Variants in NSG2 observed in about 807,000 individuals in gnomAD.
NSG2 encodes neuronal vesicle trafficking associated 2.
A neutral mutation model predicts 16.9 loss-of-function variants in NSG2; 4 were observed. That is an observed-to-expected ratio of 0.24 (90% confidence interval 0.12 to 0.54). The LOEUF (loss-of-function observed/expected upper bound fraction) is 0.54, where lower values mean the gene tolerates loss of function less well. NSG2 is among the 20% of genes least tolerant of loss of function. NSG2 has a pLI of 0.95. For synonymous variants in NSG2, 98 were observed against 88.7 expected (o/e 1.11, Z -0.59); for missense variants, 179 against 221.1 (o/e 0.81, Z 1.21).
chr5:174,105,654 C>T (rs992479873), intron 4 of NSG2, among the ~76,000 whole-genome samples: 2 of 152,166 alleles, frequency 1.3e-5, no homozygotes, highest in East Asian at 1.9e-4. Flanking sequence ...GGGTTCAGAT[C>T]TGCCTTCCTA....
chr5:174,063,722 TACAA>T (rs1203924654), intron 2 of NSG2, among the ~76,000 whole-genome samples: 1 of 152,110 alleles, frequency 6.6e-6, no homozygotes, highest in African/African-American at 2.4e-5. Flanking sequence ...TCCTTTGAGT[TACAA>T]ACAATCCCAT....
At chr5:174,051,115 T>C (rs943010491) in intron 2 of NSG2, among the ~76,000 whole-genome samples, 3 of 152,106 alleles carry the variant, frequency 2.0e-5, no homozygotes, top group African/African-American at 7.2e-5. Context: ...TCTCTCTCCC[T>C]GGGGGGCAGT....
chr5:174,048,134 G>T (rs1759830646), intron 2 of NSG2, among the ~76,000 whole-genome samples: 1 of 152,224 alleles, frequency 6.6e-6, no homozygotes, highest in African/African-American at 2.4e-5. Context: ...AACTGGTAAA[G>T]CCTTTAAAGA....
intron 2 of NSG2, among the ~76,000 whole-genome samples, chr5:174,048,787 G>A (rs144825145): frequency 1.3e-5 from 2 of 152,256 alleles, no homozygotes; most frequent in Non-Finnish European, 2.9e-5. Flanking sequence ...TGAGTATCCA[G>A]TCCAGGTGCA....
Position 174,072,737 on chromosome 5 carries a change from AC to A in NSG2, c.213+8423del, listed in dbSNP as rs1561666121. On this transcript the variant is annotated intron_variant, in intron 3 of 4. Transcript: ENST00000303177. The surrounding 1 kb of genome is among the most constrained non-coding windows in gnomAD (Gnocchi z 4.0). ...GGTGGCTCACACCTGTAATCCTAGC[AC>A]TTTGGAAGGCCAAGGTGGGAGGATT... 6.6e-6 allele frequency among the ~76,000 whole-genome samples: 1 copy of A among 152,242 alleles called. No individual in the cohort carries two copies. Among genetic ancestry groups the A allele is most frequent in the Non-Finnish European group, 1.5e-5 (1 of 68,044 alleles).
intron 3 of NSG2, among the ~76,000 whole-genome samples, chr5:174,067,255 G>A (rs1760157938): frequency 6.6e-6 from 1 of 152,130 alleles, no homozygotes; most frequent in Non-Finnish European, 1.5e-5. Context: ...TCATATCTAT[G>A]TGAGAGATTG....
intron 3 of NSG2, among the ~76,000 whole-genome samples, chr5:174,101,486 C>T (rs1422786778): frequency 6.6e-6 from 1 of 152,200 alleles, no homozygotes; most frequent in Non-Finnish European, 1.5e-5. Context: ...CTAGCGGGCT[C>T]CAGTCTGCAC....
chr5:174,075,584 A>G (rs1412875558), intron 3 of NSG2, among the ~76,000 whole-genome samples: 1 of 152,158 alleles, frequency 6.6e-6, no homozygotes, highest in African/African-American at 2.4e-5. Flanking sequence ...TCCAAAAGGG[A>G]AAAAGAGAAG....
At chr5:174,082,180 A>G (rs1760489130) in intron 3 of NSG2, 1 of 152,070 alleles carries the variant, frequency 6.6e-6, no homozygotes, top group African/African-American at 2.4e-5. Context: ...CCCTTCAGCA[A>G]TTTTTTCGAG....
intron 3 of NSG2, among the ~76,000 whole-genome samples, chr5:174,070,829 C>T (rs1760226340): frequency 1.3e-5 from 2 of 152,292 alleles, no homozygotes; most frequent in Non-Finnish European, 2.9e-5. Context: ...AGCTTCTGAT[C>T]CCTGGAGGGC....
rs2113483703 is a variant in NSG2, at chr5:174,107,349, C to T, written c.360C>T (p.Tyr120=). ...GTATCCCAGCCTCCCTGGATGCTTA[C>T]TACTCCTCCCAGGACCCCAATTCCA... ...KRCIPASLDA[Y]YSSQDPNSRS... is the part of the protein sequence containing the mutation. Residue 120 remains tyrosine (Y), a synonymous_variant, in exon 5 of 5, where the codon TAC becomes TAT. Coordinates refer to ENST00000303177, the MANE Select transcript of NSG2 (RefSeq NM_015980.5). The surrounding 1 kb of genome is among the most constrained non-coding windows in gnomAD (Gnocchi z 4.5). The T allele has an allele frequency of 6.3e-7, 1 of 1,592,242 alleles. No individual in the cohort carries two copies. The highest frequency in any genetic ancestry group is 2.3e-5 in the East Asian group (1 of 44,352).
rs1761009947 is a variant in NSG2 at position 174,107,790 on chromosome 5, T to C, written c.*285T>C. 9.9e-6 allele frequency: 6 copies of C among 604,748 alleles called. No individual in the cohort carries two copies. 37.5% of individuals were successfully genotyped at this position (604,748 alleles called of 1,614,324 possible). On this transcript the variant is annotated 3_prime_UTR_variant, in exon 5 of 5. Coordinates refer to ENST00000303177, the MANE Select transcript of NSG2 (RefSeq NM_015980.5). This position sits in a 1 kb window ranked among gnomAD's most constrained non-coding sequence, Gnocchi z 4.5. ...CCATGTAAGATATTTTTAAAGCCAC[T>C]GCTTATTCTTTGTTAGGAAAATGTA...
chr5:174,051,223 A>G (rs1229532644), intron 2 of NSG2, among the ~76,000 whole-genome samples: 1 of 152,012 alleles, frequency 6.6e-6, no homozygotes, highest in African/African-American at 2.4e-5. Context: ...AATATCCTAT[A>G]ATGTACAGGA....
intron 1 of NSG2, among the ~76,000 whole-genome samples, chr5:174,046,409 G>A (rs1759796203): frequency 2.0e-5 from 3 of 152,200 alleles, no homozygotes; most frequent in South Asian, 4.2e-4. Context: ...CTTTTTACTG[G>A]CATTGTGTGA....
intron 3 of NSG2, among the ~76,000 whole-genome samples, chr5:174,076,369 G>A (rs1265538246): frequency 6.6e-6 from 1 of 152,030 alleles, no homozygotes; most frequent in East Asian, 1.9e-4. Flanking sequence ...AGCATTTGTG[G>A]CTTGAAAACC....
At chr5:174,056,574 T>C (rs1419097624) in intron 2 of NSG2, 1 of 152,222 alleles carries the variant, frequency 6.6e-6, no homozygotes, top group East Asian at 1.9e-4. Context: ...AGGAGAATTA[T>C]GAGAATTGAA....
intron 4 of NSG2, among the ~76,000 whole-genome samples, chr5:174,104,579 G>A (rs72814797): frequency 0.11 from 17,387 of 152,186 alleles, 1,333 homozygotes; most frequent in African/African-American, 0.21. Context: ...CAGCTTGGAC[G>A]GCACATCAGC....
At chr5:174,064,790 A>G (rs1760113134) in intron 3 of NSG2, among the ~76,000 whole-genome samples, 1 of 152,170 alleles carries the variant, frequency 6.6e-6, no homozygotes, top group Non-Finnish European at 1.5e-5. Flanking sequence ...ACTGGAGAAT[A>G]TGTTGCTAGC....
chr5:174,048,708 C>A (rs572403738), intron 2 of NSG2, among the ~76,000 whole-genome samples: 11 of 152,300 alleles, frequency 7.2e-5, no homozygotes, highest in African/African-American at 2.6e-4. Flanking sequence ...CTCTGTCCCC[C>A]CTTACTCTCC....
Sources: allele counts gnomAD v4.1 joint callset (sites outside exome capture counted in the v4.1 genomes callset), GRCh38; gene constraint gnomAD v4.1.1; non-coding constraint Gnocchi (gnomAD v3.1); transcripts MANE v1.5; gene names NCBI Gene and HGNC (gene_info 2026-07-23, HGNC 2026-07-21).